Variants in MMP16 observed in about 807,000 individuals in gnomAD.
MMP16 encodes matrix metallopeptidase 16, also known as matrix metalloproteinase-16.
Under a neutral mutation model 67.8 loss-of-function variants are expected in MMP16, and 12 were observed. The observed-to-expected ratio is 0.18, with a 90% CI of 0.11 to 0.29. The LOEUF (loss-of-function observed/expected upper bound fraction) is 0.29, where lower values mean the gene tolerates loss of function less well. Among genes scored for constraint, MMP16 ranks in the 10% least tolerant of loss-of-function variants. The pLI, the probability that MMP16 is intolerant of heterozygous loss-of-function variation, is 1.00. For synonymous variants in MMP16, 249 were observed against 255.9 expected (o/e 0.97, Z 0.26); for missense variants, 475 against 765.7 (o/e 0.62, Z 4.48).
In MMP16 at chr8:88,155,418, C is replaced by A. The variant is rs546246017; in HGVS notation, c.709+12251G>T. ...GCATAGTGATATAAAGAATCTTTTT[C>A]TTTACTTACAGGATATATGTATTTA... On this transcript the variant is annotated intron_variant, in intron 4 of 9. Transcript: ENST00000286614. Among the ~76,000 whole-genome samples, 7 of 151,836 alleles carry A rather than the reference C, an allele frequency of 4.6e-5. No individual in the cohort carries two copies. In the East Asian group the frequency reaches 1.2e-3, roughly 25 times the overall value.
Position 88,121,458 on chromosome 8 carries a change from G to A in MMP16, c.710-2597C>T, listed in dbSNP as rs994734867. On this transcript the variant is annotated intron_variant, in intron 4 of 9. Transcript: ENST00000286614. ...AGGGTAAGTTGTTCAATAAAGTACT[G>A]CCCTGTGATTTGAATTCCACTAGGA... Among the ~76,000 whole-genome samples the A allele has an allele frequency of 8.6e-5, 13 of 151,954 alleles. No individual in the cohort carries two copies. The East Asian group carries it at 2.5e-3, about 29-fold the overall frequency.
chr8:88,236,344 G>C (rs1199424085), intron 1 of MMP16, among the ~76,000 whole-genome samples: 1 of 152,220 alleles, frequency 6.6e-6, no homozygotes, highest in Admixed American at 6.5e-5. Flanking sequence ...AATGTGCTTA[G>C]CACAGTGCCT....
intron 1 of MMP16, among the ~76,000 whole-genome samples, chr8:88,205,211 A>G (rs1164906847): frequency 2.0e-5 from 3 of 152,188 alleles, no homozygotes; most frequent in African/African-American, 7.2e-5. Flanking sequence ...AGGACACATC[A>G]ATAGTAAAAA....
At chr8:88,306,737 T>C (rs745649389) in intron 1 of MMP16, among the ~76,000 whole-genome samples, 1 of 152,130 alleles carries the variant, frequency 6.6e-6, no homozygotes, top group Non-Finnish European at 1.5e-5. Flanking sequence ...AATCCCTTCA[T>C]GTTAAAAACT....
chr8:88,325,841 G>A (rs1231121819), intron 1 of MMP16, among the ~76,000 whole-genome samples: 2 of 151,840 alleles, frequency 1.3e-5, no homozygotes, highest in Middle Eastern at 3.2e-3. Flanking sequence ...TACTAACCAT[G>A]ACTTATTACA....
At chr8:88,225,375 A>C (rs1217250299) in intron 1 of MMP16, among the ~76,000 whole-genome samples, 1 of 151,996 alleles carries the variant, frequency 6.6e-6, no homozygotes, top group Non-Finnish European at 1.5e-5. Context: ...GTTTATCCGA[A>C]TTAACTTGAA....
chr8:88,303,320 C>T (rs1811159699), intron 1 of MMP16, among the ~76,000 whole-genome samples: 1 of 152,168 alleles, frequency 6.6e-6, no homozygotes, highest in Admixed American at 6.5e-5. Context: ...CTGAGAAGGA[C>T]AAAGTTCCCA....
At chr8:88,055,017 C>T (rs1438513865) in intron 8 of MMP16, among the ~76,000 whole-genome samples, 1 of 152,018 alleles carries the variant, frequency 6.6e-6, no homozygotes, top group East Asian at 1.9e-4. Context: ...ATGAAGACTA[C>T]TTATGAATTT....
At chr8:88,121,655 C>A (rs1807832894) in intron 4 of MMP16, among the ~76,000 whole-genome samples, 1 of 151,992 alleles carries the variant, frequency 6.6e-6, no homozygotes, top group Admixed American at 6.6e-5. Context: ...AAGGAGAAAT[C>A]AGTCTCTTGG....
At chr8:88,130,448 T>C (rs1808008963) in intron 4 of MMP16, among the ~76,000 whole-genome samples, 1 of 151,864 alleles carries the variant, frequency 6.6e-6, no homozygotes, top group African/African-American at 2.4e-5. Context: ...AATAGCAAGA[T>C]AAAAATGGAA....
At chr8:88,200,804 C>T (rs995545051) in intron 1 of MMP16, among the ~76,000 whole-genome samples, 1 of 151,776 alleles carries the variant, frequency 6.6e-6, no homozygotes, top group African/African-American at 2.4e-5. Flanking sequence ...CATTCACCCA[C>T]ATATATTAAG....
At chr8:88,081,305 T>C (rs1808747443) in intron 6 of MMP16, among the ~76,000 whole-genome samples, 1 of 152,202 alleles carries the variant, frequency 6.6e-6, no homozygotes, top group African/African-American at 2.4e-5. Flanking sequence ...CTTTCACCAC[T>C]GAACTGACTC....
intron 4 of MMP16, among the ~76,000 whole-genome samples, chr8:88,131,144 T>C (rs1808021934): frequency 6.6e-6 from 1 of 151,658 alleles, no homozygotes; most frequent in African/African-American, 2.4e-5. Flanking sequence ...ATAGCGCTTT[T>C]AGAAATAAAG....
chr8:88,123,442 G>T (rs887370872), intron 4 of MMP16, among the ~76,000 whole-genome samples: 43 of 150,964 alleles, frequency 2.8e-4, no homozygotes, highest in Non-Finnish European at 4.9e-4. Context: ...TGATACTTTT[G>T]TTGTACCTAT....
chr8:88,214,758 G>A (rs1268946693), intron 1 of MMP16, among the ~76,000 whole-genome samples: 2 of 152,034 alleles, frequency 1.3e-5, no homozygotes, highest in South Asian at 2.1e-4. Context: ...TAACTGAAAC[G>A]TTGTGTCCTC....
At chr8:88,258,686 T>G (rs1163478277) in intron 1 of MMP16, among the ~76,000 whole-genome samples, 1 of 152,198 alleles carries the variant, frequency 6.6e-6, no homozygotes, top group African/African-American at 2.4e-5. Context: ...ACGGAGAGCT[T>G]ACGACTCAGA....
intron 1 of MMP16, among the ~76,000 whole-genome samples, chr8:88,264,651 T>C (rs557590091): frequency 6.6e-6 from 1 of 152,306 alleles, no homozygotes; most frequent in Non-Finnish European, 1.5e-5. Flanking sequence ...TCCTCAGAAA[T>C]GATCATTTGA....
chr8:88,046,833 G>A (rs776914886), intron 8 of MMP16, 49 bp from the exon 9 acceptor site: 2 of 1,231,360 alleles, frequency 1.6e-6, no homozygotes, highest in Admixed American at 4.5e-5. Flanking sequence ...ACACATATAG[G>A]GAAAGATTAT....
At chr8:88,186,276 C>A in intron 3 of MMP16, 200 bp downstream of exon 3, 1 of 459,884 alleles carries the variant, frequency 2.2e-6, no homozygotes, top group Non-Finnish European at 3.7e-6. Context: ...ACAAAAGAGC[C>A]CAAGTGTCTC....
Sources: gnomAD v4.1 joint callset for allele counts (sites outside exome capture counted in the v4.1 genomes callset) on GRCh38, gnomAD v4.1.1 for gene constraint, MANE v1.5 for transcripts, NCBI Gene and HGNC (gene_info 2026-07-23, HGNC 2026-07-21) for gene names.